The following MORC1 variants were observed in gnomAD, a reference collection of about 807,000 sequenced individuals.
MORC1 encodes MORC family CW-type zinc finger 1.
A neutral mutation model predicts 134.9 loss-of-function variants in MORC1; 59 were observed. That is an observed-to-expected ratio of 0.44 (90% CI 0.35 to 0.54). MORC1 has a LOEUF of 0.54. Among genes scored for constraint, MORC1 ranks in the 20% least tolerant of loss-of-function variants. The pLI, the probability that MORC1 is intolerant of heterozygous loss-of-function variation, is 0.00. For synonymous variants in MORC1, 395 were observed against 391.7 expected (o/e 1.01, Z -0.10); for missense variants, 947 against 1,134.5 (o/e 0.83, Z 2.37).
At chr3:109,019,737 C>A (rs1309972985) in intron 17 of MORC1, among the ~76,000 whole-genome samples, 1 of 152,196 alleles carries the variant, frequency 6.6e-6, no homozygotes, top group Non-Finnish European at 1.5e-5. Context: ...AGTGAATTTA[C>A]AGCACTGCTG....
intron 3 of MORC1, chr3:109,110,352 G>T (rs1447258466): frequency 6.1e-6 from 1 of 163,840 alleles, no homozygotes; most frequent in African/African-American, 2.4e-5. Context: ...ATTTGGTTTG[G>T]ATTTTCTAGC....
chr3:108,999,924 T>G (rs1948352516), intron 21 of MORC1, among the ~76,000 whole-genome samples: 1 of 152,192 alleles, frequency 6.6e-6, no homozygotes, highest in African/African-American at 2.4e-5. Context: ...ACACCATGGC[T>G]TCACAGATGA....
At chr3:109,040,431 A>AAGGAAGGAAGGAAGGAAG (rs1559912646) in intron 14 of MORC1, among the ~76,000 whole-genome samples, 9 of 20,908 alleles carry the variant, frequency 4.3e-4, no homozygotes, top group Non-Finnish European at 6.6e-4. Context: ...AAGGAAGGAA[A>AAGGAAGGAAGGAAGGAAG]GAAAGAAAGA....
intron 9 of MORC1, among the ~76,000 whole-genome samples, chr3:109,066,087 G>T (rs1417157844): frequency 2.6e-5 from 4 of 151,728 alleles, no homozygotes; most frequent in African/African-American, 9.7e-5. Context: ...TCATTAGCTG[G>T]GTGACAGGAT....
At chr3:109,115,687 T>C (rs1050971071) in intron 1 of MORC1, among the ~76,000 whole-genome samples, 1 of 152,234 alleles carries the variant, frequency 6.6e-6, no homozygotes, top group African/African-American at 2.4e-5. Context: ...AAAAATGTCA[T>C]ATGAATTTCT....
At chr3:109,027,686 T>G in intron 17 of MORC1, 65 bp downstream of exon 17, 1 of 1,591,748 alleles carries the variant, frequency 6.3e-7, no homozygotes, top group Non-Finnish European at 8.6e-7. Flanking sequence ...TTAGTCAATT[T>G]GCACATATGA....
At chr3:109,042,028 T>C (rs897203500) in intron 14 of MORC1, among the ~76,000 whole-genome samples, 1 of 151,750 alleles carries the variant, frequency 6.6e-6, no homozygotes, top group Non-Finnish European at 1.5e-5. Context: ...ATGGAAACCC[T>C]AGAAGAAATG....
intron 21 of MORC1, among the ~76,000 whole-genome samples, chr3:108,998,413 G>C (rs1252473739): frequency 6.6e-6 from 1 of 152,142 alleles, no homozygotes; most frequent in Non-Finnish European, 1.5e-5. Context: ...CCCACAACCA[G>C]TAAACTTGCC....
intron 13 of MORC1, among the ~76,000 whole-genome samples, chr3:109,057,130 T>C (rs1028610232): frequency 6.6e-6 from 1 of 152,140 alleles, no homozygotes; most frequent in African/African-American, 2.4e-5. Flanking sequence ...TTGAAAAAAA[T>C]TTCCCAAAGT....
At chr3:109,018,873 C>A (rs1295942589) in intron 17 of MORC1, 1 of 152,204 alleles carries the variant, frequency 6.6e-6, no homozygotes, top group East Asian at 1.9e-4. Flanking sequence ...AGCTTAATTC[C>A]TCACCTCCAC....
intron 3 of MORC1, chr3:109,109,661 T>C (rs1307061308): frequency 6.6e-6 from 1 of 152,254 alleles, no homozygotes; most frequent in African/African-American, 2.4e-5. Context: ...ATTCTGTGCC[T>C]TCACTCACTT....
chr3:109,063,263 C>A, intron 9 of MORC1, 32 bp from the exon 10 acceptor site: 2 of 1,363,298 alleles, frequency 1.5e-6, no homozygotes, highest in South Asian at 2.4e-5. Context: ...ATAATCAAGT[C>A]AGATTATCAT....
rs181433772 is a variant in MORC1 at position 109,015,574 on chromosome 3, A to T, written c.1705-8483T>A. Reference sequence around the variant, plus strand: ...ACTGGTCAGTCTTTTCATCTCTTAAAACTTATCTACCTCTGAAATGCTTTT... The same window carrying T: ...ACTGGTCAGTCTTTTCATCTCTTAATACTTATCTACCTCTGAAATGCTTTT... On this transcript the variant is annotated intron_variant, in intron 17 of 27. Transcript: ENST00000232603. Among the ~76,000 whole-genome samples, 7 of 152,218 alleles carry T rather than the reference A, an allele frequency of 4.6e-5. No individual in the cohort carries two copies. The East Asian group carries it at 1.4e-3, about 29-fold the overall frequency.
At chr3:109,008,875 T>A (rs561788960) in intron 17 of MORC1, among the ~76,000 whole-genome samples, 1 of 152,192 alleles carries the variant, frequency 6.6e-6, no homozygotes, top group Non-Finnish European at 1.5e-5. Context: ...CTAAGAAGTA[T>A]GCTAAAATCA....
At chr3:108,962,279 T>TA (rs141609845) in intron 27 of MORC1, among the ~76,000 whole-genome samples, 64 of 137,654 alleles carry the variant, frequency 4.6e-4, no homozygotes, top group African/African-American at 8.5e-4. Flanking sequence ...ATTAAGCAAA[T>TA]AAAAAAAAAA....
rs780580603 is a variant in MORC1 at position 109,007,096 on chromosome 3, A to G, written c.1705-5T>C. 3.1e-6 allele frequency: 5 copies of G among 1,607,344 alleles called. No homozygotes were observed. In the African/African-American group the frequency reaches 6.7e-5, roughly 22 times the overall value. On this transcript the variant is annotated splice_polypyrimidine_tract_variant and splice_region_variant and intron_variant, in intron 17 of 27. Transcript: ENST00000232603. ...GTCCACTGGTATAAATTGAGGCTTT[A>G]TGGGAAAGCAAACCATTAAGGCAAA... is the stretch of plus-strand genomic sequence containing the variant.
rs539918675 is a variant in MORC1 at position 109,045,478 on chromosome 3, T to C, written c.1330+9250A>G. ...AATGTCAACTCCAATCAGTTGGTAA[T>C]GATGCCTGGTACACTGTTGAGAAGA... On this transcript the variant is annotated intron_variant, in intron 14 of 27. Transcript: ENST00000232603. Among the ~76,000 whole-genome samples, 11 of 152,302 alleles carry C rather than the reference T, an allele frequency of 7.2e-5. No individual in the cohort carries two copies. The South Asian group carries it at 1.2e-3, about 17-fold the overall frequency.
chr3:109,077,598 T>C (rs926516099), intron 8 of MORC1, among the ~76,000 whole-genome samples: 13 of 151,594 alleles, frequency 8.6e-5, no homozygotes, highest in Admixed American at 6.6e-5. Flanking sequence ...ATCATTAGAA[T>C]AGAAAAAAAA....
chr3:108,959,385 A>G (rs1425854148), intron 27 of MORC1, among the ~76,000 whole-genome samples: 2 of 152,186 alleles, frequency 1.3e-5, no homozygotes, highest in Non-Finnish European at 2.9e-5. Flanking sequence ...ATTACTTGCT[A>G]TATTCCTAAA....
Sources: gnomAD v4.1 joint callset for allele counts (sites outside exome capture counted in the v4.1 genomes callset) on GRCh38, gnomAD v4.1.1 for gene constraint, MANE v1.5 for transcripts, NCBI Gene and HGNC (gene_info 2026-07-23, HGNC 2026-07-21) for gene names.